The following LHFPL6 variants were observed in gnomAD, a reference collection of about 807,000 sequenced individuals.
The protein encoded by LHFPL6 is LHFPL tetraspan subfamily member 6.
A neutral mutation model predicts 20.6 loss-of-function variants in LHFPL6; 9 were observed. That is an observed-to-expected ratio of 0.44 (90% CI 0.26 to 0.76). The LOEUF is 0.76. LHFPL6 is among the 30% of genes least tolerant of loss of function. The probability of loss-of-function intolerance (pLI) is 0.20; values close to 1 mark genes in which losing one functional copy is unlikely to be tolerated. For synonymous variants in LHFPL6, 105 were observed against 98.7 expected (o/e 1.06, Z -0.38); for missense variants, 218 against 253.5 (o/e 0.86, Z 0.95).
At chr13:39,404,248 A>G (rs1314136588) in intron 2 of LHFPL6, among the ~76,000 whole-genome samples, 1 of 152,172 alleles carries the variant, frequency 6.6e-6, no homozygotes, top group African/African-American at 2.4e-5. Flanking sequence ...TAACTAATAA[A>G]ATCAATCTAA....
chr13:39,553,329 C>A (rs1172580617), intron 2 of LHFPL6, among the ~76,000 whole-genome samples: 1 of 152,278 alleles, frequency 6.6e-6, no homozygotes, highest in East Asian at 1.9e-4. Context: ...CAGCTTCACC[C>A]CATGAATTTG....
chr13:39,587,914 A>G (rs1234960100), intron 2 of LHFPL6, among the ~76,000 whole-genome samples: 1 of 152,118 alleles, frequency 6.6e-6, no homozygotes, highest in Admixed American at 6.5e-5. Context: ...AACCATGCCC[A>G]CGAAACTGCA....
At chr13:39,430,153 T>C (rs1045511714) in intron 2 of LHFPL6, among the ~76,000 whole-genome samples, 2 of 152,234 alleles carry the variant, frequency 1.3e-5, no homozygotes, top group Admixed American at 1.3e-4. Context: ...ACCACTCAAA[T>C]GCCTGCCCTT....
intron 2 of LHFPL6, among the ~76,000 whole-genome samples, chr13:39,524,012 A>G (rs1239749705): frequency 6.6e-6 from 1 of 152,220 alleles, no homozygotes. Context: ...GTACCAATAA[A>G]AGATAATGAA....
intron 2 of LHFPL6, among the ~76,000 whole-genome samples, chr13:39,562,515 T>TATATAC (rs1871546740): frequency 3.5e-5 from 4 of 114,748 alleles, no homozygotes; most frequent in Admixed American, 9.0e-5. Context: ...CATATATACA[T>TATATAC]ATATACACAT....
chr13:39,590,895 G>C (rs1872572153), intron 2 of LHFPL6, among the ~76,000 whole-genome samples: 1 of 152,158 alleles, frequency 6.6e-6, no homozygotes, highest in African/African-American at 2.4e-5. Flanking sequence ...AATCCATACT[G>C]ACCATGGCCT....
At chr13:39,516,377 G>T (rs776084637) in intron 2 of LHFPL6, among the ~76,000 whole-genome samples, 14 of 152,224 alleles carry the variant, frequency 9.2e-5, no homozygotes, top group South Asian at 8.3e-4. Context: ...CAAGTGGTGA[G>T]CCGAGCAGCC....
At chr13:39,428,048 C>T (rs1373791688) in intron 2 of LHFPL6, among the ~76,000 whole-genome samples, 1 of 152,224 alleles carries the variant, frequency 6.6e-6, no homozygotes, top group Non-Finnish European at 1.5e-5. Context: ...TAGGATTGCG[C>T]TTCCTGTCCA....
At chr13:39,427,429 T>C (rs1425384433) in intron 2 of LHFPL6, among the ~76,000 whole-genome samples, 8 of 152,248 alleles carry the variant, frequency 5.3e-5, no homozygotes, top group African/African-American at 1.7e-4. Context: ...GTGTCCTTTA[T>C]TGAGCTGTGG....
intron 2 of LHFPL6, among the ~76,000 whole-genome samples, chr13:39,396,861 G>A (rs974977111): frequency 5.3e-5 from 8 of 152,132 alleles, no homozygotes; most frequent in Admixed American, 3.3e-4. Context: ...CACACACACA[G>A]AGGCAGAGTT....
chr13:39,504,753 G>A (rs1383526732), intron 2 of LHFPL6, among the ~76,000 whole-genome samples: 1 of 152,194 alleles, frequency 6.6e-6, no homozygotes, highest in Non-Finnish European at 1.5e-5. Flanking sequence ...GAAGGTTAGT[G>A]CTGTCACACA....
chr13:39,574,065 C>T lies in LHFPL6; in HGVS notation c.385+26767G>A, dbSNP rs1431699219. On this transcript the variant is annotated intron_variant, in intron 2 of 3. Transcript: ENST00000379589. The stretch of plus-strand genomic sequence containing the variant: ...TATAATGGGAAGGAACAGATTTTGA[C>T]GCACCTGATCCATATTTGAATTCCA... Among the ~76,000 whole-genome samples the T allele has an allele frequency of 3.9e-5, 6 of 152,258 alleles. No homozygotes were observed. The East Asian group carries it at 5.8e-4, about 15-fold the overall frequency.
chr13:39,519,497 T>A (rs912933079), intron 2 of LHFPL6, among the ~76,000 whole-genome samples: 3 of 152,194 alleles, frequency 2.0e-5, no homozygotes, highest in African/African-American at 7.2e-5. Context: ...TCCCTCTTCA[T>A]CTCTCCCTCA....
At chr13:39,507,660 A>G (rs1270478409) in intron 2 of LHFPL6, among the ~76,000 whole-genome samples, 1 of 152,210 alleles carries the variant, frequency 6.6e-6, no homozygotes, top group African/African-American at 2.4e-5. Flanking sequence ...GTCAAATACC[A>G]TCAGTAATAT....
chr13:39,353,357 A>G (rs551795795), intron 3 of LHFPL6, among the ~76,000 whole-genome samples: 43 of 152,202 alleles, frequency 2.8e-4, no homozygotes, highest in Non-Finnish European at 4.9e-4. Context: ...AGACCACCCA[A>G]ACTTGGTTGG....
At chr13:39,423,161 C>T (rs1453590061) in intron 2 of LHFPL6, among the ~76,000 whole-genome samples, 3 of 152,114 alleles carry the variant, frequency 2.0e-5, no homozygotes, top group African/African-American at 4.8e-5. Context: ...AGAAAGGATG[C>T]TACTTGTGTA....
rs1869307015 is a variant in LHFPL6 at position 39,343,603 on chromosome 13, T to TGTGTGTGTG, written c.*332_*333insCACACACAC. On this transcript the variant is annotated 3_prime_UTR_variant, in exon 4 of 4. Transcript: ENST00000379589. ...ACCCTTGTTTGTATATGTAGATTTG[T>TGTGTGTGTG]TGTGTGTGTGTGTGTGTGTGTGTGT... The TGTGTGTGTG allele has an allele frequency of 4.8e-5, 9 of 187,282 alleles. No homozygotes were observed. Among genetic ancestry groups the TGTGTGTGTG allele is most frequent in the Admixed American group, 3.9e-4 (6 of 15,190 alleles). The allele number at this position is 187,282 out of a possible 1,614,324, so 11.6% of individuals were successfully genotyped here. A position where few individuals can be genotyped will look rare whatever the true frequency, so the allele number is the denominator to read the frequency against.
At chr13:39,387,216 A>G (rs1456824829) in intron 2 of LHFPL6, among the ~76,000 whole-genome samples, 1 of 152,124 alleles carries the variant, frequency 6.6e-6, no homozygotes, top group Non-Finnish European at 1.5e-5. Context: ...GTATTTTTGT[A>G]CACACATGTT....
In LHFPL6 at chr13:39,365,873, A is replaced by T. The variant is rs187371949; in HGVS notation, c.484+12555T>A. On this transcript the variant is annotated intron_variant, in intron 3 of 3. Coordinates refer to ENST00000379589, the MANE Select transcript of LHFPL6 (RefSeq NM_005780.3). ...CACTTTAGGGATGATCAAGCCGTGG[A>T]TACCATTCCTAAGAATAGTGAGGGC... Among the ~76,000 whole-genome samples, 4 of 152,366 alleles carry T rather than the reference A, an allele frequency of 2.6e-5. No individual in the cohort carries two copies. In the East Asian group the frequency reaches 7.7e-4, roughly 29 times the overall value.
Sources: allele counts gnomAD v4.1 joint callset (sites outside exome capture counted in the v4.1 genomes callset), GRCh38; gene constraint gnomAD v4.1.1; transcripts MANE v1.5; gene names NCBI Gene and HGNC (gene_info 2026-07-23, HGNC 2026-07-21).